The following RGS7 variants were observed in gnomAD, a reference collection of about 807,000 sequenced individuals.
RGS7 encodes the protein regulator of G protein signaling 7.
A neutral mutation model predicts 81.1 loss-of-function variants in RGS7; 27 were observed. That is an observed-to-expected ratio of 0.33 (90% confidence interval 0.25 to 0.46). The LOEUF is 0.46. Among genes scored for constraint, RGS7 ranks in the 20% least tolerant of loss-of-function variants. The pLI is 1.00. For synonymous variants in RGS7, 208 were observed against 207.7 expected (o/e 1.00, Z -0.01); for missense variants, 396 against 607.4 (o/e 0.65, Z 3.66).
chr1:241,141,492 C>T (rs1460314423), intron 2 of RGS7, among the ~76,000 whole-genome samples: 1 of 152,270 alleles, frequency 6.6e-6, no homozygotes, highest in African/African-American at 2.4e-5. Context: ...TTCTGCATTG[C>T]TTGGGAGGCC....
At chr1:240,904,171 T>G (rs261804) in intron 6 of RGS7, among the ~76,000 whole-genome samples, 66,214 of 152,002 alleles carry the variant, frequency 0.44, 14,943 homozygotes, top group Middle Eastern at 0.51. Context: ...TCCCTGTTTT[T>G]GGGAGGAGAG....
chr1:241,232,007 G>A (rs1035315265), intron 2 of RGS7, among the ~76,000 whole-genome samples: 2 of 152,138 alleles, frequency 1.3e-5, no homozygotes, highest in African/African-American at 4.8e-5. Flanking sequence ...TATGTATAGT[G>A]TAAGGTAAGG....
At chr1:241,103,108 G>A (rs1234794809) in intron 2 of RGS7, among the ~76,000 whole-genome samples, 1 of 151,762 alleles carries the variant, frequency 6.6e-6, no homozygotes, top group Admixed American at 6.6e-5. Context: ...GGGCAATTTA[G>A]TCTAAGGCCA....
At chr1:241,141,331 T>A (rs2067905412) in intron 2 of RGS7, among the ~76,000 whole-genome samples, 1 of 152,054 alleles carries the variant, frequency 6.6e-6, no homozygotes, top group South Asian at 2.1e-4. Flanking sequence ...GAGCTGGGAA[T>A]CCCCACGTGC....
intron 6 of RGS7, among the ~76,000 whole-genome samples, chr1:240,902,749 A>G (rs191024006): frequency 4.7e-4 from 72 of 152,350 alleles, no homozygotes; most frequent in African/African-American, 1.7e-3. Flanking sequence ...CAACTATGGG[A>G]CATCTAAATG....
intron 2 of RGS7, among the ~76,000 whole-genome samples, chr1:241,277,918 T>G (rs1395330278): frequency 1.3e-5 from 2 of 152,212 alleles, no homozygotes; most frequent in Non-Finnish European, 2.9e-5. Flanking sequence ...CATCTTTAGT[T>G]TTTCTCCATT....
rs191415650 is a variant in RGS7, at chr1:241,044,499, T to C, written c.175+54167A>G. Among the ~76,000 whole-genome samples the C allele has an allele frequency of 1.3e-3, 200 of 152,342 alleles. 1 individual carries two copies. The highest frequency in any genetic ancestry group is 4.4e-3 in the African/African-American group (181 of 41,576). The stretch of plus-strand genomic sequence containing the variant: ...GTGCAGTGGCACAATCATAGCTCAC[T>C]GTAACCTCAAATTCCTAGGCTCAGG... On this transcript the variant is annotated intron_variant, in intron 3 of 18. Transcript: ENST00000440928.
Position 241,257,701 on chromosome 1 carries a change from TC to T in RGS7, c.78+97997del, listed in dbSNP as rs575074913. On this transcript the variant is annotated intron_variant, in intron 2 of 18. Transcript: ENST00000440928. ...TCTCCACCTTCTCTTTTCTCACCTC[TC>T]ATTCTCCTACCCTCCTTGCAAGCAC... 1.7e-3 allele frequency among the ~76,000 whole-genome samples: 261 copies of T among 152,278 alleles called. 2 individuals are homozygous for T. Among genetic ancestry groups the T allele is most frequent in the African/African-American group, 6.1e-3 (255 of 41,560 alleles).
intron 6 of RGS7, among the ~76,000 whole-genome samples, chr1:240,926,668 G>T (rs2148327425): frequency 6.6e-6 from 1 of 152,234 alleles, no homozygotes; most frequent in East Asian, 1.9e-4. Flanking sequence ...CTGTGCCTTT[G>T]TCTCGAGCCC....
intron 3 of RGS7, among the ~76,000 whole-genome samples, chr1:241,025,949 T>C (rs907930766): frequency 4.6e-5 from 7 of 152,228 alleles, no homozygotes; most frequent in African/African-American, 1.7e-4. Context: ...TTCATGCTGT[T>C]CGTGCAGCAC....
intron 2 of RGS7, among the ~76,000 whole-genome samples, chr1:241,172,361 A>C (rs2070794729): frequency 6.6e-6 from 1 of 152,232 alleles, no homozygotes; most frequent in African/African-American, 2.4e-5. Context: ...AAATAGTAAA[A>C]TAAGAGAAGT....
At chr1:240,887,230 T>G (rs1011182935) in intron 6 of RGS7, among the ~76,000 whole-genome samples, 1 of 146,380 alleles carries the variant, frequency 6.8e-6, no homozygotes, top group African/African-American at 2.7e-5. Context: ...ATATAGGTTT[T>G]TTTTTTTTTT....
At chr1:240,845,206 CT>C (rs377630245) in intron 9 of RGS7, among the ~76,000 whole-genome samples, 1 of 152,088 alleles carries the variant, frequency 6.6e-6, no homozygotes, top group African/African-American at 2.4e-5. Flanking sequence ...ATATTTATAC[CT>C]GTTGCATTTA....
chr1:241,052,579 G>T (rs953859627), intron 3 of RGS7, among the ~76,000 whole-genome samples: 5 of 152,062 alleles, frequency 3.3e-5, no homozygotes, highest in Admixed American at 2.6e-4. Flanking sequence ...TATAAAAAGC[G>T]AAATCACTCC....
chr1:240,837,019 C>A (rs1472476064), intron 9 of RGS7, among the ~76,000 whole-genome samples: 1 of 152,184 alleles, frequency 6.6e-6, no homozygotes, highest in Non-Finnish European at 1.5e-5. Context: ...CTTGCAGGTA[C>A]CATTCTCAAA....
intron 3 of RGS7, among the ~76,000 whole-genome samples, chr1:241,090,908 A>C (rs2148928936): frequency 6.6e-6 from 1 of 152,310 alleles, no homozygotes; most frequent in South Asian, 2.1e-4. Flanking sequence ...GGTACCCAGA[A>C]TCCTACCAAT....
At chr1:241,109,720 G>A (rs2065378118) in intron 2 of RGS7, among the ~76,000 whole-genome samples, 1 of 152,080 alleles carries the variant, frequency 6.6e-6, no homozygotes, top group African/African-American at 2.4e-5. Context: ...CACTTTGGGA[G>A]GCTGAGGCAG....
chr1:240,778,490 T>C (rs553897641), intron 18 of RGS7, among the ~76,000 whole-genome samples: 1 of 152,338 alleles, frequency 6.6e-6, no homozygotes, highest in African/African-American at 2.4e-5. Context: ...GGTCCACAAC[T>C]TAGCTTTCAG....
At chr1:240,865,335 T>C (rs373116338) in intron 9 of RGS7, among the ~76,000 whole-genome samples, 1 of 152,194 alleles carries the variant, frequency 6.6e-6, no homozygotes, top group African/African-American at 2.4e-5. Context: ...GTCTCTTAGA[T>C]ATGGACATCT....
Sources: gnomAD v4.1 joint callset for allele counts (sites outside exome capture counted in the v4.1 genomes callset) on GRCh38, gnomAD v4.1.1 for gene constraint, MANE v1.5 for transcripts, NCBI Gene and HGNC (gene_info 2026-07-23, HGNC 2026-07-21) for gene names.